The following AUTS2 variants were observed in gnomAD, a reference collection of about 807,000 sequenced individuals.
The protein encoded by AUTS2 is activator of transcription and developmental regulator AUTS2, also known as autism susceptibility gene 2 protein.
A neutral mutation model predicts 112.4 loss-of-function variants in AUTS2; 17 were observed. That is an observed-to-expected ratio of 0.15 (90% CI 0.10 to 0.23). The LOEUF (loss-of-function observed/expected upper bound fraction) is 0.23, where lower values mean the gene tolerates loss of function less well. AUTS2 is among the 10% of genes least tolerant of loss of function. The probability of loss-of-function intolerance (pLI) is 1.00; values close to 1 mark genes in which losing one functional copy is unlikely to be tolerated. For missense variants in AUTS2, 1,510 were observed against 1,701.6 expected, an observed-to-expected ratio of 0.89 and a Z score of 1.98; for synonymous variants, 751 against 702.7, an observed-to-expected ratio of 1.07 and a Z score of -1.09.
intron 4 of AUTS2, among the ~76,000 whole-genome samples, chr7:70,275,568 A>G (rs1294811789): frequency 6.6e-6 from 1 of 152,176 alleles, no homozygotes; most frequent in Non-Finnish European, 1.5e-5. Flanking sequence ...ATTTGCCACA[A>G]TAAAATACAC....
At chr7:69,942,147 T>C (rs1796649597) in intron 2 of AUTS2, among the ~76,000 whole-genome samples, 2 of 152,326 alleles carry the variant, frequency 1.3e-5, no homozygotes, top group East Asian at 3.9e-4. Context: ...TGGCTCAGCA[T>C]GCACAGTTGT....
chr7:69,696,915 G>A (rs1485838763), intron 1 of AUTS2, among the ~76,000 whole-genome samples: 4 of 152,214 alleles, frequency 2.6e-5, no homozygotes, highest in Non-Finnish European at 5.9e-5. Flanking sequence ...AGGAAAGCTG[G>A]TTCATGGTTG....
chr7:69,906,979 T>C (rs1280764918), intron 2 of AUTS2, among the ~76,000 whole-genome samples: 1 of 152,126 alleles, frequency 6.6e-6, no homozygotes, highest in Admixed American at 6.6e-5. Context: ...TGGTGACGCA[T>C]GCCTGTTGTC....
chr7:69,895,854 AT>A (rs1311905595), intron 1 of AUTS2, among the ~76,000 whole-genome samples: 2 of 152,192 alleles, frequency 1.3e-5, no homozygotes, highest in African/African-American at 4.8e-5. Context: ...GAATGGCATA[AT>A]TTTTTTAAAA....
At chr7:70,171,909 G>GA (rs1174006432) in intron 4 of AUTS2, among the ~76,000 whole-genome samples, 1 of 151,356 alleles carries the variant, frequency 6.6e-6, no homozygotes, top group Non-Finnish European at 1.5e-5. Flanking sequence ...TTTTTTTGGG[G>GA]GGGGGTAGTT....
chr7:70,368,541 C>A (rs1227843214), intron 4 of AUTS2, among the ~76,000 whole-genome samples: 2 of 152,166 alleles, frequency 1.3e-5, no homozygotes, highest in Non-Finnish European at 2.9e-5. Flanking sequence ...TCTGTTAATG[C>A]AACAGAGGTT....
At chr7:69,938,998 TA>T (rs1290330158) in intron 2 of AUTS2, among the ~76,000 whole-genome samples, 1 of 152,246 alleles carries the variant, frequency 6.6e-6, no homozygotes, top group Non-Finnish European at 1.5e-5. Context: ...CTGCTATAGA[TA>T]TATTTGATTT....
chr7:70,695,296 G>C (rs1270148429), intron 5 of AUTS2, among the ~76,000 whole-genome samples: 1 of 152,214 alleles, frequency 6.6e-6, no homozygotes, highest in African/African-American at 2.4e-5. Context: ...GGAGCTGCGC[G>C]GTCGTGCCCG....
chr7:70,156,604 A>G (rs1807776009), intron 4 of AUTS2, among the ~76,000 whole-genome samples: 1 of 152,078 alleles, frequency 6.6e-6, no homozygotes, highest in African/African-American at 2.4e-5. Context: ...GTGGTTGTAT[A>G]GTTGAGAATG....
chr7:70,187,345 A>G (rs1423933295), intron 4 of AUTS2, among the ~76,000 whole-genome samples: 1 of 152,260 alleles, frequency 6.6e-6, no homozygotes, highest in African/African-American at 2.4e-5. Flanking sequence ...TATATACTTT[A>G]TAAATAGGTA....
chr7:69,618,666 A>G (rs1714278600), intron 1 of AUTS2, among the ~76,000 whole-genome samples: 1 of 152,216 alleles, frequency 6.6e-6, no homozygotes, highest in Non-Finnish European at 1.5e-5. Context: ...CTAAAAATGT[A>G]TGCATATGTA....
chr7:70,703,235 T>G (rs531965921), intron 6 of AUTS2, among the ~76,000 whole-genome samples: 1 of 152,264 alleles, frequency 6.6e-6, no homozygotes, highest in Non-Finnish European at 1.5e-5. Context: ...CACTCATGCC[T>G]GTAATCCCAG....
intron 4 of AUTS2, among the ~76,000 whole-genome samples, chr7:70,304,457 C>T (rs1327665568): frequency 6.6e-6 from 1 of 152,150 alleles, no homozygotes; most frequent in African/African-American, 2.4e-5. Flanking sequence ...CACTGGAGGC[C>T]GTGGCAGTGT....
intron 5 of AUTS2, among the ~76,000 whole-genome samples, chr7:70,482,387 G>A (rs1373114768): frequency 6.6e-6 from 1 of 152,190 alleles, no homozygotes; most frequent in Non-Finnish European, 1.5e-5. Flanking sequence ...GGGCAATGAT[G>A]TAAGAGGTCA....
At chr7:70,197,250 A>G (rs1269909551) in intron 4 of AUTS2, among the ~76,000 whole-genome samples, 2 of 147,122 alleles carry the variant, frequency 1.4e-5, no homozygotes, top group African/African-American at 5.1e-5. Flanking sequence ...ATAGTTGCCA[A>G]AATTCTTAGT....
At chr7:69,873,813 T>C (rs1287332993) in intron 1 of AUTS2, among the ~76,000 whole-genome samples, 1 of 152,226 alleles carries the variant, frequency 6.6e-6, no homozygotes, top group Non-Finnish European at 1.5e-5. Context: ...ACTTTATGTA[T>C]GAAGATTATC....
rs1165423731 is a variant in AUTS2, at chr7:70,318,845, T to A, written c.661-116907T>A. Reference sequence around the variant, plus strand: ...ACTACCATCAACCTCTCAGCAGAACTGCTGCATTAGGTACCTAGTGTTTGA... The same window carrying A: ...ACTACCATCAACCTCTCAGCAGAACAGCTGCATTAGGTACCTAGTGTTTGA... On this transcript the variant is annotated intron_variant, in intron 4 of 18. Transcript: ENST00000342771. 4.6e-5 allele frequency among the ~76,000 whole-genome samples: 7 copies of A among 152,218 alleles called. No homozygotes were observed. The East Asian group carries it at 1.2e-3, about 25-fold the overall frequency.
intron 4 of AUTS2, among the ~76,000 whole-genome samples, chr7:70,285,102 A>AT (rs35363920): frequency 0.017 from 2,562 of 147,256 alleles, 26 homozygotes; most frequent in Middle Eastern, 0.031. Context: ...AGCCATGCTG[A>AT]TTTTTTTTTT....
intron 5 of AUTS2, among the ~76,000 whole-genome samples, chr7:70,492,539 G>C (rs1420479859): frequency 6.6e-6 from 1 of 152,166 alleles, no homozygotes; most frequent in East Asian, 1.9e-4. Flanking sequence ...AAGTCTGGGA[G>C]CTAGCTGTGG....
Sources: gnomAD v4.1 joint callset for allele counts (sites outside exome capture counted in the v4.1 genomes callset) on GRCh38, gnomAD v4.1.1 for gene constraint, MANE v1.5 for transcripts, NCBI Gene and HGNC (gene_info 2026-07-23, HGNC 2026-07-21) for gene names.